DHRSX: variants seen among roughly 807,000 people sequenced by gnomAD.
The protein encoded by DHRSX is polyprenol dehydrogenase.
Under a neutral mutation model 34.0 loss-of-function variants are expected in DHRSX, and 31 were observed. The observed-to-expected ratio is 0.91, with a 90% CI of 0.69 to 1.23. DHRSX has a LOEUF of 1.23. DHRSX is among the 50% of genes most tolerant of loss of function. The pLI, the probability that DHRSX is intolerant of heterozygous loss-of-function variation, is 0.00. For synonymous variants in DHRSX, 201 were observed against 183.8 expected, an observed-to-expected ratio of 1.09 and a Z score of -0.76; for missense variants, 414 against 428.1, an observed-to-expected ratio of 0.97 and a Z score of 0.29.
At chrX:2,246,744 G>T (rs866876862) in intron 5 of DHRSX, among the ~76,000 whole-genome samples, 1 of 108,012 alleles carries the variant, frequency 9.3e-6, no homozygotes, top group African/African-American at 2.8e-5. Flanking sequence ...AAGAAAGAAA[G>T]AAAGAAAAAG....
At chrX:2,489,159 A>G (rs2045047381) in intron 1 of DHRSX, 2 of 1,613,636 alleles carry the variant, frequency 1.2e-6, no homozygotes, top group African/African-American at 1.3e-5. Context: ...GGCACCGGGA[A>G]GATCTTGTCC....
At chrX:2,482,017 T>G (rs779254550) in intron 1 of DHRSX, among the ~76,000 whole-genome samples, 2 of 151,516 alleles carry the variant, frequency 1.3e-5, no homozygotes, top group South Asian at 4.2e-4. Context: ...CAGCCTGGAG[T>G]GCAGTGGCAT....
At chrX:2,489,449 G>T in intron 1 of DHRSX, 1 of 1,613,846 alleles carries the variant, frequency 6.2e-7, no homozygotes, top group Non-Finnish European at 8.5e-7. Context: ...GTGCAGCAGC[G>T]GCTTCACCAT....
chrX:2,328,504 C>G (rs35521838), intron 3 of DHRSX, among the ~76,000 whole-genome samples: 64,133 of 150,956 alleles, frequency 0.42, 15,117 homozygotes, highest in Non-Finnish European at 0.55. Flanking sequence ...TTATAAGTCA[C>G]CCAGTCTATG....
intron 1 of DHRSX, among the ~76,000 whole-genome samples, chrX:2,461,594 G>A (rs1380924601): frequency 1.3e-5 from 2 of 152,136 alleles, no homozygotes; most frequent in Non-Finnish European, 2.9e-5. Context: ...CAGGCTGCAC[G>A]ACAGTGATGC....
chrX:2,377,609 C>T (rs1176465932), intron 3 of DHRSX, among the ~76,000 whole-genome samples: 1 of 152,132 alleles, frequency 6.6e-6, no homozygotes. Context: ...AAGAAACAAC[C>T]AGGATTGCTA....
chrX:2,468,695 C>T (rs28412126), intron 1 of DHRSX, among the ~76,000 whole-genome samples: 48,085 of 147,638 alleles, frequency 0.33, 8,570 homozygotes, highest in African/African-American at 0.51. Context: ...ACTGAAGACG[C>T]TCCCAAAGAA....
intron 3 of DHRSX, among the ~76,000 whole-genome samples, chrX:2,387,427 AG>A (rs2043284650): frequency 6.6e-6 from 1 of 152,172 alleles, no homozygotes; most frequent in Non-Finnish European, 1.5e-5. Context: ...CTGCAGGCTG[AG>A]GGGCAAGGAA....
intron 3 of DHRSX, among the ~76,000 whole-genome samples, chrX:2,393,499 A>C (rs113986418): frequency 1.3e-4 from 19 of 142,686 alleles, no homozygotes; most frequent in African/African-American, 1.8e-4. Flanking sequence ...CACATGACAC[A>C]CAGGGACCTC....
intron 1 of DHRSX, among the ~76,000 whole-genome samples, chrX:2,456,588 TG>T (rs1213672210): frequency 8.3e-6 from 1 of 120,724 alleles, no homozygotes; most frequent in African/African-American, 3.4e-5. Context: ...CACTCCAGCC[TG>T]GGGGACACAG....
At chrX:2,252,193 C>G (rs183835777) in intron 5 of DHRSX, among the ~76,000 whole-genome samples, 1 of 151,998 alleles carries the variant, frequency 6.6e-6, no homozygotes, top group Admixed American at 6.6e-5. Context: ...GCTGATACCA[C>G]GCCATTGCAC....
chrX:2,483,060 G>A (rs1160077882), intron 1 of DHRSX, among the ~76,000 whole-genome samples: 1 of 143,242 alleles, frequency 7.0e-6, no homozygotes, highest in African/African-American at 2.7e-5. Flanking sequence ...GGCAGAACAA[G>A]CACAACTTCT....
At chrX:2,416,800 A>C (rs777239731) in intron 2 of DHRSX, among the ~76,000 whole-genome samples, 1 of 152,346 alleles carries the variant, frequency 6.6e-6, no homozygotes, top group East Asian at 1.9e-4. Context: ...AATGTGCTTC[A>C]GTTGGACCCA....
At chrX:2,398,700 C>T (rs1467216986) in intron 3 of DHRSX, among the ~76,000 whole-genome samples, 1 of 136,042 alleles carries the variant, frequency 7.4e-6, no homozygotes, top group African/African-American at 2.8e-5. Context: ...GATGGACTCT[C>T]GCTGTGTCAC....
intron 6 of DHRSX, among the ~76,000 whole-genome samples, chrX:2,224,909 ACG>A (rs1467546805): frequency 6.8e-6 from 1 of 146,926 alleles, no homozygotes; most frequent in African/African-American, 2.5e-5. Context: ...GCACACACAC[ACG>A]TACACACACA....
At chrX:2,465,707 G>C (rs1029189442) in intron 1 of DHRSX, among the ~76,000 whole-genome samples, 3 of 151,434 alleles carry the variant, frequency 2.0e-5, no homozygotes, top group Non-Finnish European at 4.4e-5. Flanking sequence ...TACTCCAGAG[G>C]CTGAGGCAGG....
At chrX:2,434,174 G>A (rs1277265315) in intron 1 of DHRSX, among the ~76,000 whole-genome samples, 1 of 152,200 alleles carries the variant, frequency 6.6e-6, no homozygotes, top group Non-Finnish European at 1.5e-5. Context: ...ATAAGCATAT[G>A]AAACAAAGTT....
chrX:2,477,431 C>A (rs1192725474), intron 1 of DHRSX, among the ~76,000 whole-genome samples: 4 of 152,126 alleles, frequency 2.6e-5, no homozygotes, highest in East Asian at 1.9e-4. Flanking sequence ...ATGCAAAAAA[C>A]CAGAAACAAG....
At chrX:2,232,054 CCTCT>C (rs1471493804) in intron 6 of DHRSX, among the ~76,000 whole-genome samples, 1 of 85,166 alleles carries the variant, frequency 1.2e-5, no homozygotes, top group African/African-American at 4.1e-5. Flanking sequence ...TCTTTCTATC[CCTCT>C]GTCTTCCTCC....
Sources: gnomAD v4.1 joint callset for allele counts (sites outside exome capture counted in the v4.1 genomes callset) on GRCh38, gnomAD v4.1.1 for gene constraint, MANE v1.5 for transcripts, NCBI Gene and HGNC (gene_info 2026-07-23, HGNC 2026-07-21) for gene names.